Variants in UBP1 observed in about 807,000 individuals in gnomAD.
UBP1 encodes upstream-binding protein 1.
In UBP1, 22 loss-of-function variants were observed where a neutral mutation model predicts 76.1. That is an observed-to-expected ratio of 0.29 (90% CI 0.21 to 0.41). The LOEUF (loss-of-function observed/expected upper bound fraction) is 0.41. Among genes scored for constraint, UBP1 ranks in the 10% least tolerant of loss-of-function variants. UBP1 has a pLI of 1.00. For missense variants in UBP1, 436 were observed against 668.1 expected (o/e 0.65, Z 3.83); for synonymous variants, 224 against 237.1 (o/e 0.94, Z 0.51).
chr3:33,407,887 G>A (rs1220378231), intron 8 of UBP1, among the ~76,000 whole-genome samples: 1 of 152,202 alleles, frequency 6.6e-6, no homozygotes, highest in East Asian at 1.9e-4. Flanking sequence ...AAGGTATGTA[G>A]CTGATCTAAG....
At chr3:33,409,663 G>T in intron 5 of UBP1, 62 bp from the exon 6 acceptor site, 2 of 1,606,182 alleles carry the variant, frequency 1.2e-6, no homozygotes, top group Non-Finnish European at 1.7e-6. Flanking sequence ...TTTCTATTTT[G>T]TTCCCTCTTG....
intron 6 of UBP1, 47 bp from the exon 7 acceptor site, chr3:33,409,393 A>G: frequency 6.2e-7 from 1 of 1,613,892 alleles, no homozygotes; most frequent in East Asian, 2.2e-5. Context: ...GCAGACACAC[A>G]GCTTTACAGG....
chr3:33,402,815 G>A lies in UBP1; in HGVS notation c.1017C>T (p.Cys339=), dbSNP rs1442035874. ...AAACTAGATACCTGTCTGGGACACT[G>A]CAAGTGCTCTGCTGTGGGGAGGTGA... ...PTFTSPQQST[C]SVPDSNSSSP... Residue 339 remains cysteine (C), a synonymous_variant, in exon 9 of 16, where the codon TGC becomes TGT. Transcript: ENST00000283629. 2.6e-5 allele frequency: 42 copies of A among 1,591,644 alleles called. No individual in the cohort carries two copies. The highest frequency in any genetic ancestry group is 3.3e-5 in the Non-Finnish European group (39 of 1,172,012).
In UBP1 at chr3:33,400,198, T is replaced by C; in HGVS notation, c.1171A>G (p.Asn391Asp). The change falls in exon 11 of 16, where the codon AAT becomes GAT. Residue 391 changes from asparagine (N) to aspartate (D), a missense_variant. By Grantham distance (23) the Asn-to-Asp change is conservative. Around this residue, in one of 3 missense-constraint regions of UBP1, gnomAD observed 210 missense variants for 272.8 expected, o/e 0.77. Transcript: ENST00000283629. The stretch of plus-strand genomic sequence containing the variant: ...ACACACATACACATACCTGAAAAAT[T>C]AGAGAACAGTCTTGTGTAGGAAGAG... Reference protein sequence around the residue: ...RFSSYTRLFSNFSGADLLKLT... With the variant: ...RFSSYTRLFSDFSGADLLKLT... 3 of 1,587,778 alleles carry C rather than the reference T, an allele frequency of 1.9e-6. No homozygotes were observed. The highest frequency in any genetic ancestry group is 2.6e-6 in the Non-Finnish European group (3 of 1,171,338).
At chr3:33,414,087 TAAA>T (rs2044667577) in intron 3 of UBP1, 1 of 128,400 alleles carries the variant, frequency 7.8e-6, no homozygotes, top group African/African-American at 3.1e-5. Flanking sequence ...AAGGTTGGAC[TAAA>T]ATACTAAAGA....
At chr3:33,435,113 A>C (rs2045184559) in intron 1 of UBP1, among the ~76,000 whole-genome samples, 1 of 152,246 alleles carries the variant, frequency 6.6e-6, no homozygotes, top group South Asian at 2.1e-4. Flanking sequence ...TACAGTAATA[A>C]ATTTTAAAAT....
chr3:33,431,447 T>G (rs1462255376), intron 1 of UBP1, among the ~76,000 whole-genome samples: 1 of 152,014 alleles, frequency 6.6e-6, no homozygotes, highest in African/African-American at 2.4e-5. Flanking sequence ...GTACAGCATA[T>G]GAAAGTTCCG....
At chr3:33,429,265 G>T (rs1176403936) in intron 1 of UBP1, among the ~76,000 whole-genome samples, 1 of 152,088 alleles carries the variant, frequency 6.6e-6, no homozygotes, top group Non-Finnish European at 1.5e-5. Flanking sequence ...CTAAAACCTT[G>T]ATGGTTTTTG....
At chr3:33,401,080 C>A in intron 9 of UBP1, 64 bp from the exon 10 acceptor site, 2 of 1,430,912 alleles carry the variant, frequency 1.4e-6, no homozygotes, top group Non-Finnish European at 9.5e-7. Flanking sequence ...TTAATCAAGG[C>A]ATTAAAAGCT....
chr3:33,440,634 C>G (rs1324576816), upstream of UBP1: 2 of 152,342 alleles, frequency 1.3e-5, no homozygotes, highest in African/African-American at 4.8e-5. Flanking sequence ...AGTTTCCGCC[C>G]CTTCTAGCGA....
chr3:33,414,441 A>C (rs1248629982), intron 3 of UBP1, among the ~76,000 whole-genome samples: 1 of 152,140 alleles, frequency 6.6e-6, no homozygotes, highest in Non-Finnish European at 1.5e-5. Context: ...AAAATAGGAC[A>C]AAAAAAGACG....
chr3:33,398,219 A>G (rs1243538590), intron 11 of UBP1: 1 of 152,258 alleles, frequency 6.6e-6, no homozygotes, highest in Non-Finnish European at 1.5e-5. Flanking sequence ...TATGATAAAT[A>G]GCCACTTACA....
chr3:33,420,077 G>C (rs1177660202), intron 2 of UBP1, among the ~76,000 whole-genome samples: 1 of 152,020 alleles, frequency 6.6e-6, no homozygotes. Context: ...TCATCAAATG[G>C]GACTCCAGGG....
intron 1 of UBP1, among the ~76,000 whole-genome samples, chr3:33,432,704 G>A (rs1459806606): frequency 6.6e-6 from 1 of 151,926 alleles, no homozygotes; most frequent in Non-Finnish European, 1.5e-5. Context: ...CATAAAAGAA[G>A]GAAAAACTAA....
intron 7 of UBP1, 107 bp from the exon 8 acceptor site, chr3:33,408,904 C>T (rs2044500214): frequency 9.3e-7 from 1 of 1,070,268 alleles, no homozygotes; most frequent in Admixed American, 2.4e-5. Context: ...GCATGACTAA[C>T]AGGATTCAAA....
At chr3:33,392,509 A>G in intron 15 of UBP1, 54 bp downstream of exon 15, 1 of 1,498,458 alleles carries the variant, frequency 6.7e-7, no homozygotes, top group Non-Finnish European at 9.1e-7. Flanking sequence ...AATTAGAGGC[A>G]CACACCATCT....
rs1479397481 is a variant in UBP1, at chr3:33,440,035, G to C, written c.-187C>G. ...TGGCAGGGCACGACGAGCCCAGCGA[G>C]CAATTGCAGCGGGAGCGGCCGGGCC... On this transcript the variant is annotated 5_prime_UTR_variant, in exon 1 of 16. Transcript: ENST00000283629. 2 of 529,908 alleles carry C rather than the reference G, an allele frequency of 3.8e-6. No individual in the cohort carries two copies. Among genetic ancestry groups the C allele is most frequent in the Non-Finnish European group, 6.3e-6 (2 of 316,350 alleles). The allele number at this position is 529,908 out of a possible 1,614,324, so 32.8% of individuals were successfully genotyped here. A position where few individuals can be genotyped will look rare whatever the true frequency, so the allele number is the denominator to read the frequency against.
intron 13 of UBP1, among the ~76,000 whole-genome samples, chr3:33,395,772 AAG>A (rs2043963344): frequency 6.7e-6 from 1 of 149,374 alleles, no homozygotes. Flanking sequence ...AAAAAAAAAA[AAG>A]AAAAAGGAAA....
intron 2 of UBP1, among the ~76,000 whole-genome samples, chr3:33,420,806 A>G (rs1209560392): frequency 6.6e-6 from 1 of 152,014 alleles, no homozygotes; most frequent in Non-Finnish European, 1.5e-5. Flanking sequence ...TATTTTTAGT[A>G]GAGATGGGGT....
Sources: allele counts gnomAD v4.1 joint callset (sites outside exome capture counted in the v4.1 genomes callset), GRCh38; gene constraint gnomAD v4.1.1; regional missense constraint gnomAD v4.1.1; transcripts MANE v1.5; gene names NCBI Gene and HGNC (gene_info 2026-07-23, HGNC 2026-07-21).